Variants in DST observed in about 807,000 individuals in gnomAD.
DST encodes the protein bullous pemphigoid antigen.
A neutral mutation model predicts 875.2 loss-of-function variants in DST; 253 were observed. The ratio of observed to expected loss-of-function variants is 0.29; its 90% CI spans 0.26 to 0.32. The LOEUF (loss-of-function observed/expected upper bound fraction) is 0.32. Ranked by LOEUF, DST falls within the 10% of genes least tolerant of loss-of-function variation. The pLI, the probability that DST is intolerant of heterozygous loss-of-function variation, is 1.00. For missense variants in DST, 8,287 were observed against 9,111.6 expected, an observed-to-expected ratio of 0.91 and a Z score of 3.68; for synonymous variants, 3,124 against 3,197.1, an observed-to-expected ratio of 0.98 and a Z score of 0.77.
Position 56,648,615 on chromosome 6 carries a change from G to T in DST, c.1509C>A (p.Thr503=). The part of the protein sequence containing the change: ...YLIQWIRHHV[T]TMSERTFPNN... ...TAGGAAATGTTCTCTCAGACATTGTGGTCACATGGTGTCTAATCCATTGGA... is the reference window on the plus strand; with the variant it reads ...TAGGAAATGTTCTCTCAGACATTGTTGTCACATGGTGTCTAATCCATTGGA... The change falls in exon 13 of 104, where the codon ACC becomes ACA. Residue 503 remains threonine (T), a synonymous_variant. Coordinates refer to ENST00000680361, the MANE Select transcript of DST (RefSeq NM_001374736.1). 1 of 1,590,598 alleles carries T rather than the reference G, an allele frequency of 6.3e-7. No individual in the cohort carries two copies. Among genetic ancestry groups the T allele is most frequent in the Non-Finnish European group, 8.6e-7 (1 of 1,166,398 alleles).
chr6:56,776,518 C>G (rs2099679544), intron 4 of DST, among the ~76,000 whole-genome samples: 1 of 152,180 alleles, frequency 6.6e-6, no homozygotes, highest in Admixed American at 6.5e-5. Flanking sequence ...ACAGGGTGTT[C>G]AGGACCTACC....
At chr6:56,859,219 G>A (rs1769682262) in intron 3 of DST, among the ~76,000 whole-genome samples, 2 of 152,116 alleles carry the variant, frequency 1.3e-5, no homozygotes. Flanking sequence ...TATTCCAAGG[G>A]ACCAAGCCTT....
intron 50 of DST, among the ~76,000 whole-genome samples, chr6:56,576,836 T>A (rs1427866722): frequency 6.6e-6 from 1 of 152,106 alleles, no homozygotes; most frequent in East Asian, 1.9e-4. Context: ...AACCCGACCA[T>A]ACTGGCAGCC....
At chr6:56,886,550 C>T (rs1286945310) in intron 3 of DST, among the ~76,000 whole-genome samples, 1 of 152,100 alleles carries the variant, frequency 6.6e-6, no homozygotes, top group Non-Finnish European at 1.5e-5. Context: ...CCGAGGCGGG[C>T]AGATCACCTG....
Position 56,699,633 on chromosome 6 carries a change from T to G in DST, c.1047+20A>C. 1 of 1,349,844 alleles carries G rather than the reference T, an allele frequency of 7.4e-7. No individual in the cohort carries two copies. The highest frequency in any genetic ancestry group is 1.0e-6 in the Non-Finnish European group (1 of 981,902). 83.6% of individuals were successfully genotyped at this position (1,349,844 alleles called of 1,614,324 possible). ...GAAAACTAGCAATTAGATGCTGAAA[T>G]TAAGAAAATTTGGGCTTACCTGAAA... On this transcript the variant is annotated intron_variant, in intron 9 of 103. Coordinates refer to ENST00000680361, the MANE Select transcript of DST (RefSeq NM_001374736.1).
At chr6:56,584,128 AG>A (rs2098089288) in intron 49 of DST, among the ~76,000 whole-genome samples, 1 of 151,930 alleles carries the variant, frequency 6.6e-6, no homozygotes, top group African/African-American at 2.4e-5. Flanking sequence ...AATTCTGTGA[AG>A]AAAGTCATTG....
At chr6:56,747,036 C>A (rs2099574647) in intron 4 of DST, among the ~76,000 whole-genome samples, 1 of 152,072 alleles carries the variant, frequency 6.6e-6, no homozygotes, top group Admixed American at 6.5e-5. Flanking sequence ...GCTGCCCAGT[C>A]TGAGATACAA....
Position 56,463,747 on chromosome 6 carries a change from T to G in DST, c.22777A>C (p.Met7593Leu), listed in dbSNP as rs1297805437. The G allele has an allele frequency of 3.7e-6, 6 of 1,613,990 alleles. No individual in the cohort carries two copies. The South Asian group carries it at 6.6e-5, about 18-fold the overall frequency. Reference sequence around the variant, plus strand: ...AAAATGAACTTCTCACGCAGTTCCATGTTTGTCCTTCCTTTGGCTGGGTTA... The same window carrying G: ...AAAATGAACTTCTCACGCAGTTCCAGGTTTGTCCTTCCTTTGGCTGGGTTA... Reference protein sequence around the residue: ...QPTIAKGRTNMELREKFILAD... With the variant: ...QPTIAKGRTNLELREKFILAD... Residue 7593 changes from methionine to leucine, a missense_variant, in exon 101 of 104, where the codon ATG becomes CTG. This residue lies in a region of DST where 64 missense variants were observed against 86.2 expected (regional missense o/e 0.74). Coordinates refer to ENST00000680361, the MANE Select transcript of DST (RefSeq NM_001374736.1).
At chr6:56,573,170 T>G in intron 51 of DST, 106 bp from the exon 52 acceptor site, 1 of 1,010,982 alleles carries the variant, frequency 9.9e-7, no homozygotes, top group African/African-American at 1.6e-5. Flanking sequence ...GCACAACCTG[T>G]GCCTAGGAAG....
intron 83 of DST, among the ~76,000 whole-genome samples, chr6:56,493,474 C>T (rs747092655): frequency 6.6e-6 from 1 of 151,878 alleles, no homozygotes; most frequent in Non-Finnish European, 1.5e-5. Context: ...GGCATATAAT[C>T]TTGTATTTCT....
intron 36 of DST, chr6:56,619,051 A>G: frequency 6.2e-7 from 1 of 1,614,084 alleles, no homozygotes; most frequent in African/African-American, 1.3e-5. Context: ...GCTTAAATTC[A>G]CTTACCAAAT....
rs61164880 is a variant in DST, at chr6:56,486,362, C to CAAAA, written c.21047+738_21047+741dup. 3.9e-3 allele frequency among the ~76,000 whole-genome samples: 132 copies of CAAAA among 33,996 alleles called. 5 individuals carry two copies. Among genetic ancestry groups the CAAAA allele is most frequent in the Middle Eastern group, 0.019 (1 of 52 alleles). The allele number at this position is 33,996 out of a possible 152,430, so 22.3% of individuals were successfully genotyped here. On this transcript the variant is annotated intron_variant, in intron 87 of 103. Coordinates refer to ENST00000680361, the MANE Select transcript of DST (RefSeq NM_001374736.1). ...TGGGTGACAGAGCGAGACTCCGTCT[C>CAAAA]AAAAAAAAAAAAAAAAAAAAAAAAA...
chr6:56,562,976 T>A (rs1376942255), intron 55 of DST, among the ~76,000 whole-genome samples: 2 of 152,188 alleles, frequency 1.3e-5, no homozygotes, highest in East Asian at 3.8e-4. Flanking sequence ...ATTTTCTTTA[T>A]CCAGTCTATC....
chr6:56,691,163 C>A (rs1016645583), intron 9 of DST, among the ~76,000 whole-genome samples: 1 of 152,120 alleles, frequency 6.6e-6, no homozygotes, highest in African/African-American at 2.4e-5. Context: ...TTACTTGAAG[C>A]CAAATTATGC....
intron 9 of DST, among the ~76,000 whole-genome samples, chr6:56,673,078 G>A (rs1365209673): frequency 6.6e-6 from 1 of 151,862 alleles, no homozygotes; most frequent in Non-Finnish European, 1.5e-5. Context: ...AACATAGTGA[G>A]ACCCTGTCTC....
intron 93 of DST, 95 bp from the exon 94 acceptor site, chr6:56,472,317 A>G: frequency 9.1e-7 from 1 of 1,094,806 alleles, no homozygotes; most frequent in South Asian, 1.6e-5. Context: ...GACTGCATCA[A>G]CTTAATTACG....
At chr6:56,492,764 TGGGGAGGCTGAGGCA>T (rs539066419) in intron 84 of DST, among the ~76,000 whole-genome samples, 155 bp downstream of exon 84, 50 of 149,244 alleles carry the variant, frequency 3.4e-4, no homozygotes, top group Admixed American at 2.0e-3. Context: ...TAGCTACCTG[TGGGGAGGCTGAGGCA>T]CAAGAATCGC....
At chr6:56,562,750 C>T (rs9475719) in intron 55 of DST, among the ~76,000 whole-genome samples, 67,383 of 150,928 alleles carry the variant, frequency 0.45, 15,731 homozygotes, top group African/African-American at 0.57. Flanking sequence ...CCCCCCACCC[C>T]CTGACAGGCC....
chr6:56,558,955 T>C (rs928872526), intron 58 of DST, among the ~76,000 whole-genome samples: 10 of 152,120 alleles, frequency 6.6e-5, no homozygotes, highest in African/African-American at 2.4e-4. Flanking sequence ...CAAGACAGTA[T>C]GCTCCCTGCA....
Sources: gnomAD v4.1 joint callset for allele counts (sites outside exome capture counted in the v4.1 genomes callset) on GRCh38, gnomAD v4.1.1 for gene constraint, gnomAD v4.1.1 regional missense constraint, MANE v1.5 for transcripts, NCBI Gene and HGNC (gene_info 2026-07-23, HGNC 2026-07-21) for gene names.